ATXN1: variants seen among roughly 807,000 people sequenced by gnomAD.
The protein encoded by ATXN1 is ataxin-1.
In ATXN1, 8 loss-of-function variants were observed where a neutral mutation model predicts 56.4. The ratio of observed to expected loss-of-function variants is 0.14; its 90% CI spans 0.08 to 0.26. The LOEUF (loss-of-function observed/expected upper bound fraction) is 0.26. ATXN1 is among the 10% of genes least tolerant of loss of function. The pLI is 1.00. For missense variants in ATXN1, 987 were observed against 1,106.5 expected, an observed-to-expected ratio of 0.89 and a Z score of 1.53; for synonymous variants, 514 against 494.6, an observed-to-expected ratio of 1.04 and a Z score of -0.52.
At chr6:16,621,171 T>C (rs1192867590) in intron 3 of ATXN1, among the ~76,000 whole-genome samples, 1 of 152,184 alleles carries the variant, frequency 6.6e-6, no homozygotes, top group Non-Finnish European at 1.5e-5. Flanking sequence ...CCATTAGCAA[T>C]GGCATAAAGA....
intron 5 of ATXN1, among the ~76,000 whole-genome samples, chr6:16,500,261 A>T (rs1320581738): frequency 6.6e-6 from 1 of 152,230 alleles, no homozygotes; most frequent in Non-Finnish European, 1.5e-5. Context: ...ATGACACACG[A>T]GGAAACAAAC....
At chr6:16,567,930 CTAAAG>C (rs1472559029) in intron 4 of ATXN1, among the ~76,000 whole-genome samples, 1 of 151,872 alleles carries the variant, frequency 6.6e-6, no homozygotes, top group African/African-American at 2.4e-5. Context: ...TTTATGTTAA[CTAAAG>C]TATTTTCCTT....
At chr6:16,523,721 A>C (rs1406201707) in intron 4 of ATXN1, among the ~76,000 whole-genome samples, 2 of 152,182 alleles carry the variant, frequency 1.3e-5, no homozygotes, top group Non-Finnish European at 2.9e-5. Flanking sequence ...TGGAGGCCAC[A>C]TATCAGGCTG....
At chr6:16,604,592 T>A (rs1425504830) in intron 3 of ATXN1, among the ~76,000 whole-genome samples, 5 of 150,404 alleles carry the variant, frequency 3.3e-5, no homozygotes, top group Admixed American at 3.3e-4. Context: ...TCTCTTCTTT[T>A]TTTTTTTTTT....
Position 16,368,219 on chromosome 6 carries a change from T to C in ATXN1, c.-160-39749A>G, listed in dbSNP as rs994870112. ...AGAAATATACTACAGCATGGCAGAA[T>C]AGAAAGGTGACAATGTTTCTGAGCC... On this transcript the variant is annotated intron_variant, in intron 6 of 7. Transcript: ENST00000436367. 3.3e-5 allele frequency among the ~76,000 whole-genome samples: 5 copies of C among 151,548 alleles called. No individual in the cohort carries two copies. The East Asian group carries it at 5.8e-4, about 18-fold the overall frequency.
chr6:16,379,265 A>G (rs1276950202), intron 6 of ATXN1, among the ~76,000 whole-genome samples: 1 of 152,162 alleles, frequency 6.6e-6, no homozygotes, highest in Non-Finnish European at 1.5e-5. Context: ...TAGGGGGAAG[A>G]GTGGGAGTGG....
chr6:16,435,392 G>T (rs552939049), intron 6 of ATXN1, among the ~76,000 whole-genome samples: 1 of 152,100 alleles, frequency 6.6e-6, no homozygotes, highest in Non-Finnish European at 1.5e-5. Flanking sequence ...TAGAGACTAA[G>T]CCATGAGGAA....
In ATXN1 at chr6:16,326,447, G is replaced by C; in HGVS notation, c.1864C>G (p.His622Asp). Residue 622 changes from histidine (H) to aspartate (D), a missense_variant, in exon 7 of 8, where the codon CAT becomes GAT. Around this residue, in one of 3 missense-constraint regions of ATXN1, gnomAD observed 68 missense variants for 118.1 expected, o/e 0.58. Coordinates refer to ENST00000436367, the MANE Select transcript of ATXN1 (RefSeq NM_001128164.2). This position sits in a 1 kb window ranked among gnomAD's most constrained non-coding sequence, Gnocchi z 6.6. ...TGTATCACGGCCACGCCCGGGCTAT[G>C]GCTGTCTTCAATCCTCTCTACGGTG... Reference protein sequence around the residue: ...SSTVERIEDSHSPGVAVIQFA... With the variant: ...SSTVERIEDSDSPGVAVIQFA... 6.2e-7 allele frequency: 1 copy of C among 1,614,114 alleles called. No homozygotes were observed. Among genetic ancestry groups the C allele is most frequent in the African/African-American group, 1.3e-5 (1 of 75,026 alleles).
At chr6:16,617,136 G>T (rs1281853636) in intron 3 of ATXN1, among the ~76,000 whole-genome samples, 1 of 151,978 alleles carries the variant, frequency 6.6e-6, no homozygotes, top group Non-Finnish European at 1.5e-5. Flanking sequence ...ACTGTATAAG[G>T]AAAATAAAGA....
chr6:16,539,583 A>T (rs1258800836), intron 4 of ATXN1, among the ~76,000 whole-genome samples: 2 of 152,152 alleles, frequency 1.3e-5, no homozygotes, highest in African/African-American at 4.8e-5. Context: ...TGTGTCTCTC[A>T]CCAAAGGGCA....
At chr6:16,565,528 C>A (rs1004755988) in intron 4 of ATXN1, among the ~76,000 whole-genome samples, 36 of 152,020 alleles carry the variant, frequency 2.4e-4, no homozygotes, top group African/African-American at 8.5e-4. Context: ...TTAAAAAAAT[C>A]AGAATGACAA....
At chr6:16,453,865 G>A (rs758050047) in intron 6 of ATXN1, among the ~76,000 whole-genome samples, 65 of 152,150 alleles carry the variant, frequency 4.3e-4, no homozygotes, top group Non-Finnish European at 5.9e-5. Flanking sequence ...TCGAAGCTGG[G>A]CGAGATGGCT....
chr6:16,482,703 G>C (rs1427822265), intron 6 of ATXN1, among the ~76,000 whole-genome samples: 1 of 152,192 alleles, frequency 6.6e-6, no homozygotes, highest in African/African-American at 2.4e-5. Flanking sequence ...ATAGTCTAAG[G>C]ACAGTCTCAA....
chr6:16,674,336 CTT>C (rs869081370), intron 2 of ATXN1, among the ~76,000 whole-genome samples: 3 of 78,132 alleles, frequency 3.8e-5, no homozygotes, highest in African/African-American at 5.5e-5. Flanking sequence ...AGAGAACTTT[CTT>C]TTTTTTTTTT....
intron 5 of ATXN1, among the ~76,000 whole-genome samples, chr6:16,500,630 A>G (rs1461965551): frequency 2.6e-5 from 4 of 151,942 alleles, no homozygotes; most frequent in Non-Finnish European, 5.9e-5. Flanking sequence ...ATTGAGAAAC[A>G]TATGGCCCAA....
chr6:16,746,463 G>A (rs901917920), intron 2 of ATXN1, among the ~76,000 whole-genome samples: 1 of 152,180 alleles, frequency 6.6e-6, no homozygotes, highest in African/African-American at 2.4e-5. Flanking sequence ...ACATCAAAAC[G>A]ATTTCTACTT....
chr6:16,728,771 G>A (rs1759905573), intron 2 of ATXN1, among the ~76,000 whole-genome samples: 1 of 152,112 alleles, frequency 6.6e-6, no homozygotes, highest in Non-Finnish European at 1.5e-5. Flanking sequence ...GCTGGTATTC[G>A]AACTAGAGAG....
At chr6:16,432,810 A>G (rs903882784) in intron 6 of ATXN1, 6 of 152,112 alleles carry the variant, frequency 3.9e-5, no homozygotes, top group Admixed American at 2.6e-4. Context: ...TTTACTCACA[A>G]TGAAATCTGC....
intron 5 of ATXN1, among the ~76,000 whole-genome samples, chr6:16,486,872 G>T (rs1760557370): frequency 6.7e-6 from 1 of 149,554 alleles, no homozygotes; most frequent in Non-Finnish European, 1.5e-5. Context: ...TTTCCACTTG[G>T]CTGTCTGCCA....
Sources: gnomAD v4.1 joint callset for allele counts (sites outside exome capture counted in the v4.1 genomes callset) on GRCh38, gnomAD v4.1.1 for gene constraint, gnomAD v4.1.1 regional missense constraint, Gnocchi (gnomAD v3.1) non-coding constraint, MANE v1.5 for transcripts, NCBI Gene and HGNC (gene_info 2026-07-23, HGNC 2026-07-21) for gene names.